The following CLSTN2 variants were observed in gnomAD, a reference collection of about 807,000 sequenced individuals.
CLSTN2 encodes the protein calsyntenin 2, also known as calsyntenin-2.
In CLSTN2, 48 loss-of-function variants were observed where a neutral mutation model predicts 101.2. The ratio of observed to expected loss-of-function variants is 0.47; its 90% CI spans 0.38 to 0.60. CLSTN2 has a LOEUF of 0.60. Among genes scored for constraint, CLSTN2 ranks in the 20% least tolerant of loss-of-function variants. The probability of loss-of-function intolerance (pLI) is 0.00; values close to 1 mark genes in which losing one functional copy is unlikely to be tolerated. For synonymous variants in CLSTN2, 481 were observed against 463.6 expected, an observed-to-expected ratio of 1.04 and a Z score of -0.48; for missense variants, 1,160 against 1,238.2, an observed-to-expected ratio of 0.94 and a Z score of 0.95.
In CLSTN2 at chr3:139,978,648, TTGTGTGTGTGTGTGTG is replaced by T. The variant is rs552137591; in HGVS notation, c.109+43205_109+43220del. Among the ~76,000 whole-genome samples, 613 of 135,592 alleles carry T rather than the reference TTGTGTGTGTGTGTGTG, an allele frequency of 4.5e-3. 2 individuals carry two copies. The highest frequency in any genetic ancestry group is 0.036 in the East Asian group (166 of 4,666). The allele number at this position is 135,592 out of a possible 152,430, so 89.0% of individuals were successfully genotyped here. On this transcript the variant is annotated intron_variant, in intron 1 of 16. Transcript: ENST00000458420. Reference sequence around the variant, plus strand: ...TGCTGGGAGGATGGGGGATGGGGGATTGTGTGTGTGTGTGTGTGTGTGTGTGTGTGTGTGTGTGTGT... The same window carrying T: ...TGCTGGGAGGATGGGGGATGGGGGATTGTGTGTGTGTGTGTGTGTGTGTGT...
In CLSTN2 at chr3:140,017,774, C is replaced by T. The variant is rs142703008; in HGVS notation, c.109+82291C>T. Among the ~76,000 whole-genome samples the T allele has an allele frequency of 1.3e-3, 198 of 152,310 alleles. 1 individual carries two copies. In the East Asian group the frequency reaches 0.023, roughly 18 times the overall value. On this transcript the variant is annotated intron_variant, in intron 1 of 16. Coordinates refer to ENST00000458420, the MANE Select transcript of CLSTN2 (RefSeq NM_022131.3). ...AGATTGTCTTCATTTTAGAGCCTCCCGCACAAGCAAAAGCTGGCCACAGGC... is the reference window on the plus strand; with the variant it reads ...AGATTGTCTTCATTTTAGAGCCTCCTGCACAAGCAAAAGCTGGCCACAGGC...
At chr3:140,335,432 A>T (rs1017356192) in intron 2 of CLSTN2, among the ~76,000 whole-genome samples, 1 of 149,348 alleles carries the variant, frequency 6.7e-6, no homozygotes, top group Non-Finnish European at 1.5e-5. Context: ...AGATGTGTGC[A>T]TTTGCTCAGA....
At chr3:140,374,401 G>T (rs888857965) in intron 2 of CLSTN2, among the ~76,000 whole-genome samples, 18 of 151,808 alleles carry the variant, frequency 1.2e-4, no homozygotes, top group Admixed American at 1.0e-3. Flanking sequence ...TCCACATCCT[G>T]CCTGGTGTGT....
chr3:140,521,048 ATTT>A (rs57840726), intron 8 of CLSTN2, among the ~76,000 whole-genome samples: 7,549 of 125,428 alleles, frequency 0.06, 579 homozygotes, highest in African/African-American at 0.2. Flanking sequence ...GCTTTTTTGC[ATTT>A]TTTTTTTTTT....
intron 1 of CLSTN2, among the ~76,000 whole-genome samples, chr3:140,068,116 G>A (rs2008329477): frequency 6.6e-6 from 1 of 152,188 alleles, no homozygotes; most frequent in Admixed American, 6.5e-5. Context: ...GCTGCTCCTG[G>A]GCAGAGCCAG....
chr3:140,559,987 G>A (rs1935877010), intron 12 of CLSTN2, among the ~76,000 whole-genome samples: 1 of 152,168 alleles, frequency 6.6e-6, no homozygotes, highest in African/African-American at 2.4e-5. Flanking sequence ...TAAAATCAGA[G>A]AGAAATAAAG....
chr3:140,225,346 CTG>C (rs1329637129), intron 2 of CLSTN2, among the ~76,000 whole-genome samples: 2 of 152,194 alleles, frequency 1.3e-5, no homozygotes, highest in Non-Finnish European at 2.9e-5. Context: ...TTCAGTTGCA[CTG>C]TTTCCATCTG....
At chr3:140,372,973 GC>G (rs1425607238) in intron 2 of CLSTN2, among the ~76,000 whole-genome samples, 2 of 152,190 alleles carry the variant, frequency 1.3e-5, no homozygotes, top group African/African-American at 4.8e-5. Context: ...GCAGACTGAA[GC>G]AGGAGAAATC....
chr3:140,124,365 C>A (rs2009396287), intron 1 of CLSTN2, among the ~76,000 whole-genome samples: 2 of 152,080 alleles, frequency 1.3e-5, no homozygotes, highest in South Asian at 4.1e-4. Flanking sequence ...TGCAGAGGGG[C>A]TGAGCTACAG....
intron 1 of CLSTN2, among the ~76,000 whole-genome samples, chr3:140,041,181 T>C (rs547501081): frequency 1.3e-5 from 2 of 152,292 alleles, no homozygotes; most frequent in African/African-American, 4.8e-5. Context: ...CAGGCTGTGA[T>C]CTTGACTTTA....
intron 2 of CLSTN2, among the ~76,000 whole-genome samples, chr3:140,312,772 A>G (rs905834279): frequency 1.3e-5 from 2 of 152,192 alleles, no homozygotes; most frequent in Non-Finnish European, 2.9e-5. Context: ...AACATAATTT[A>G]GTTTGCCTTG....
At chr3:140,416,772 G>T (rs948032229) in intron 4 of CLSTN2, among the ~76,000 whole-genome samples, 4 of 152,208 alleles carry the variant, frequency 2.6e-5, no homozygotes, top group African/African-American at 9.6e-5. Context: ...GACAGTGGAG[G>T]GAGCGGTAGG....
At chr3:140,278,303 C>T (rs35910157) in intron 2 of CLSTN2, among the ~76,000 whole-genome samples, 75,768 of 151,968 alleles carry the variant, frequency 0.5, 19,744 homozygotes, top group East Asian at 0.96. Flanking sequence ...GGCCCCGCCT[C>T]TTTTCTACCC....
At chr3:140,102,646 T>G (rs2008987178) in intron 1 of CLSTN2, among the ~76,000 whole-genome samples, 2 of 152,204 alleles carry the variant, frequency 1.3e-5, no homozygotes, top group Non-Finnish European at 2.9e-5. Flanking sequence ...ATGACTCCAT[T>G]GTTTCTTCAC....
intron 1 of CLSTN2, among the ~76,000 whole-genome samples, chr3:140,172,734 C>T (rs531209950): frequency 1.7e-4 from 26 of 152,284 alleles, no homozygotes; most frequent in Middle Eastern, 3.4e-3. Flanking sequence ...CAAGTCCCAT[C>T]TTACATGCAT....
intron 2 of CLSTN2, among the ~76,000 whole-genome samples, chr3:140,203,272 C>T (rs1407615466): frequency 6.6e-6 from 1 of 151,812 alleles, no homozygotes; most frequent in African/African-American, 2.4e-5. Context: ...TCATGGGTGA[C>T]CTTGAAAAGT....
At chr3:140,053,324 C>A (rs528957073) in intron 1 of CLSTN2, among the ~76,000 whole-genome samples, 1 of 152,184 alleles carries the variant, frequency 6.6e-6, no homozygotes, top group African/African-American at 2.4e-5. Flanking sequence ...TTGTATACAC[C>A]GTAAATTTTA....
chr3:140,474,097 A>G (rs1259378704), intron 8 of CLSTN2, among the ~76,000 whole-genome samples: 1 of 152,154 alleles, frequency 6.6e-6, no homozygotes, highest in Non-Finnish European at 1.5e-5. Flanking sequence ...TTTAAGCCAC[A>G]AAGTTTGTGG....
At chr3:140,467,047 G>A (rs1057134398) in intron 8 of CLSTN2, among the ~76,000 whole-genome samples, 6 of 152,110 alleles carry the variant, frequency 3.9e-5, no homozygotes, top group East Asian at 1.9e-4. Context: ...GCCCAGTTAC[G>A]ATCTCTGTTA....
Sources: allele counts gnomAD v4.1 joint callset (sites outside exome capture counted in the v4.1 genomes callset), GRCh38; gene constraint gnomAD v4.1.1; transcripts MANE v1.5; gene names NCBI Gene and HGNC (gene_info 2026-07-23, HGNC 2026-07-21).